ROBO2: variants seen among roughly 807,000 people sequenced by gnomAD.
ROBO2 encodes roundabout guidance receptor 2, also known as roundabout homolog 2.
In ROBO2, 53 loss-of-function variants were observed where a neutral mutation model predicts 160.8. The observed-to-expected ratio is 0.33, with a 90% CI of 0.26 to 0.41. The LOEUF (loss-of-function observed/expected upper bound fraction) is 0.41. Ranked by LOEUF, ROBO2 falls within the 10% of genes least tolerant of loss-of-function variation. The probability of loss-of-function intolerance (pLI) is 1.00; values close to 1 mark genes in which losing one functional copy is unlikely to be tolerated. For synonymous variants in ROBO2, 664 were observed against 611.7 expected, an observed-to-expected ratio of 1.09 and a Z score of -1.26; for missense variants, 1,577 against 1,722.4, an observed-to-expected ratio of 0.92 and a Z score of 1.49.
chr3:77,622,539 T>C, intron 23 of ROBO2, 107 bp downstream of exon 24: 1 of 945,994 alleles, frequency 1.1e-6, no homozygotes, highest in Non-Finnish European at 1.7e-6. Context: ...CATCTATTTC[T>C]GTAACATTTT....
At chr3:76,474,987 A>G (rs1045698972) in intron 2 of ROBO2, among the ~76,000 whole-genome samples, 1 of 152,088 alleles carries the variant, frequency 6.6e-6, no homozygotes. Context: ...TGAACGCCCT[A>G]CTTCCATCGT....
At chr3:76,894,607 T>C (rs1210536355) in intron 2 of ROBO2, among the ~76,000 whole-genome samples, 1 of 152,154 alleles carries the variant, frequency 6.6e-6, no homozygotes, top group Non-Finnish European at 1.5e-5. Context: ...GGAAATATTT[T>C]ATGACTTGTG....
chr3:77,127,212 GA>G (rs1433777908), intron 2 of ROBO2, among the ~76,000 whole-genome samples: 1 of 152,024 alleles, frequency 6.6e-6, no homozygotes, highest in African/African-American at 2.4e-5. Flanking sequence ...TTATGTTCAG[GA>G]GCACCTTTTT....
At chr3:76,960,203 G>A (rs1253258404) in intron 2 of ROBO2, among the ~76,000 whole-genome samples, 2 of 151,964 alleles carry the variant, frequency 1.3e-5, no homozygotes, top group Non-Finnish European at 2.9e-5. Context: ...TCCCAAATAA[G>A]ATTTGTGTAG....
intron 2 of ROBO2, among the ~76,000 whole-genome samples, chr3:76,993,579 G>A (rs1431254053): frequency 6.6e-6 from 1 of 152,058 alleles, no homozygotes; most frequent in African/African-American, 2.4e-5. Context: ...CTTGTTAAAA[G>A]GCTTTCAGTC....
intron 2 of ROBO2, among the ~76,000 whole-genome samples, chr3:76,624,722 T>C (rs1241390245): frequency 7.6e-6 from 1 of 130,948 alleles, no homozygotes; most frequent in East Asian, 2.3e-4. Flanking sequence ...CGCTTGCACC[T>C]GGGAGGCTGA....
At chr3:76,237,639 C>T (rs994027487) in intron 2 of ROBO2, among the ~76,000 whole-genome samples, 6 of 152,124 alleles carry the variant, frequency 3.9e-5, no homozygotes, top group Non-Finnish European at 8.8e-5. Flanking sequence ...TTCATGCCAG[C>T]ATGGTGCCAG....
intron 2 of ROBO2, among the ~76,000 whole-genome samples, chr3:76,920,279 C>T (rs1418066739): frequency 6.6e-6 from 1 of 151,948 alleles, no homozygotes; most frequent in Non-Finnish European, 1.5e-5. Flanking sequence ...GGAATAAAAA[C>T]TCACCTTTAT....
chr3:76,908,530 T>C (rs2075766226), intron 2 of ROBO2, among the ~76,000 whole-genome samples: 1 of 152,190 alleles, frequency 6.6e-6, no homozygotes, highest in Non-Finnish European at 1.5e-5. Flanking sequence ...ACCAAGTTTG[T>C]CAACACAACT....
intron 23 of ROBO2, among the ~76,000 whole-genome samples, chr3:77,628,598 A>G (rs2095087457): frequency 6.6e-6 from 1 of 152,192 alleles, no homozygotes; most frequent in Non-Finnish European, 1.5e-5. Context: ...CTAACATCTT[A>G]TATACTATTT....
intron 2 of ROBO2, among the ~76,000 whole-genome samples, chr3:77,408,445 C>T (rs1249630061): frequency 6.6e-6 from 1 of 152,160 alleles, no homozygotes; most frequent in East Asian, 1.9e-4. Flanking sequence ...TTGCCAAAGA[C>T]ATTTCATTAG....
At chr3:77,139,573 A>C (rs2076543167) in intron 2 of ROBO2, among the ~76,000 whole-genome samples, 1 of 152,218 alleles carries the variant, frequency 6.6e-6, no homozygotes, top group Admixed American at 6.5e-5. Context: ...GAAGTGTGGT[A>C]TATAATGCAG....
chr3:77,300,696 T>C (rs2062578485), intron 2 of ROBO2, among the ~76,000 whole-genome samples: 1 of 152,046 alleles, frequency 6.6e-6, no homozygotes. Flanking sequence ...ACTTTCTCAC[T>C]ATCTCCTCTC....
chr3:77,359,105 C>A (rs1237142176), intron 2 of ROBO2, among the ~76,000 whole-genome samples: 1 of 152,224 alleles, frequency 6.6e-6, no homozygotes, highest in Admixed American at 6.5e-5. Context: ...GAAAGCAATG[C>A]ATGAGTATCT....
chr3:77,407,647 T>A (rs563730147), intron 2 of ROBO2, among the ~76,000 whole-genome samples: 65 of 152,196 alleles, frequency 4.3e-4, no homozygotes, highest in Non-Finnish European at 7.8e-4. Flanking sequence ...AAACATGAGG[T>A]AATTAGGGCT....
intron 5 of ROBO2, among the ~76,000 whole-genome samples, chr3:77,509,771 C>T (rs1274565700): frequency 1.3e-5 from 2 of 152,028 alleles, no homozygotes; most frequent in Non-Finnish European, 2.9e-5. Flanking sequence ...TTCGTTTATT[C>T]CCTCATCAAC....
chr3:76,143,020 G>T (rs566638593), intron 2 of ROBO2, among the ~76,000 whole-genome samples: 1 of 151,626 alleles, frequency 6.6e-6, no homozygotes, highest in East Asian at 1.9e-4. Flanking sequence ...CTCTGGATGG[G>T]AGTTTATGTA....
intron 2 of ROBO2, among the ~76,000 whole-genome samples, chr3:76,530,864 C>T (rs2082187905): frequency 6.6e-6 from 1 of 152,136 alleles, no homozygotes; most frequent in Admixed American, 6.5e-5. Context: ...GTAAAACACC[C>T]TCAACTTCTC....
At chr3:76,514,279 C>A (rs2081246160) in intron 2 of ROBO2, among the ~76,000 whole-genome samples, 1 of 152,076 alleles carries the variant, frequency 6.6e-6, no homozygotes, top group East Asian at 1.9e-4. Context: ...ATTCTCCCCC[C>A]ATGTTACATG....
Sources: allele counts gnomAD v4.1 joint callset (sites outside exome capture counted in the v4.1 genomes callset), GRCh38; gene constraint gnomAD v4.1.1; transcripts MANE v1.5; gene names NCBI Gene and HGNC (gene_info 2026-07-23, HGNC 2026-07-21).